Variants in NFIX observed in about 807,000 individuals in gnomAD.
NFIX encodes the protein nuclear factor 1 X-type.
A neutral mutation model predicts 53.3 loss-of-function variants in NFIX; 2 were observed. The observed-to-expected ratio is 0.04, with a 90% CI of 0.02 to 0.12. The LOEUF (loss-of-function observed/expected upper bound fraction) is 0.12. Ranked by LOEUF, NFIX falls within the 10% of genes least tolerant of loss-of-function variation. The probability of loss-of-function intolerance (pLI) is 1.00; values close to 1 mark genes in which losing one functional copy is unlikely to be tolerated. For synonymous variants in NFIX, 244 were observed against 289.0 expected (o/e 0.84, Z 1.58); for missense variants, 310 against 674.5 (o/e 0.46, Z 5.99).
At chr19:13,082,273 C>G (rs1001550752) in intron 8 of NFIX, 1 of 185,852 alleles carries the variant, frequency 5.4e-6, no homozygotes, top group African/African-American at 2.3e-5. Context: ...ACATTTGGGG[C>G]TGTTTATTCA....
At chr19:13,018,427 G>A (rs1424334045) in intron 1 of NFIX, among the ~76,000 whole-genome samples, 1 of 151,822 alleles carries the variant, frequency 6.6e-6, no homozygotes, top group Non-Finnish European at 1.5e-5. Flanking sequence ...GGGGTGTGGG[G>A]CGAATCCATT....
chr19:13,078,166 G>T lies in NFIX; in HGVS notation c.956-447G>T, dbSNP rs1402663036. On this transcript the variant is annotated intron_variant, in intron 6 of 10. Transcript: ENST00000592199. The surrounding 1 kb of genome is among the most constrained non-coding windows in gnomAD (Gnocchi z 4.7). ...CTTCTTCCCACCAGAACCTCCCATG[G>T]CCCCGGGCACCATGGCATAGACCCC... Among the ~76,000 whole-genome samples the T allele has an allele frequency of 6.6e-6, 1 of 152,098 alleles. No homozygotes were observed.
chr19:13,056,629 G>A (rs1460456769), intron 2 of NFIX, among the ~76,000 whole-genome samples: 2 of 152,188 alleles, frequency 1.3e-5, no homozygotes, highest in Non-Finnish European at 2.9e-5. Flanking sequence ...CGGGAGCCCA[G>A]TGCCTACACC....
chr19:13,067,485 T>TGTGC lies in NFIX; in HGVS notation c.560-5559_560-5558insCGTG, dbSNP rs2016494943. On this transcript the variant is annotated intron_variant, in intron 2 of 10. Coordinates refer to ENST00000592199, the MANE Select transcript of NFIX (RefSeq NM_001365902.3). The surrounding 1 kb of genome is among the most constrained non-coding windows in gnomAD (Gnocchi z 4.2). Reference sequence around the variant, plus strand: ...GCGCGTGTGTGTGTGTGTGTGTGCGTGTGTGTGTGTGTGTGTGTGTATGTG... The same window carrying TGTGC: ...GCGCGTGTGTGTGTGTGTGTGTGCGTGTGCGTGTGTGTGTGTGTGTGTGTATGTG... Among the ~76,000 whole-genome samples the TGTGC allele has an allele frequency of 3.8e-5, 1 of 26,648 alleles. No homozygotes were observed. The highest frequency in any genetic ancestry group is 6.1e-5 in the Non-Finnish European group (1 of 16,412). 17.5% of individuals were successfully genotyped at this position (26,648 alleles called of 152,430 possible).
chr19:13,092,525 C>T (rs142156522), intron 10 of NFIX, among the ~76,000 whole-genome samples: 1 of 152,252 alleles, frequency 6.6e-6, no homozygotes, highest in Non-Finnish European at 1.5e-5. Context: ...CAGTGTGAGG[C>T]CCTGGCATGA....
intron 1 of NFIX, among the ~76,000 whole-genome samples, chr19:12,997,538 C>T (rs2011513968): frequency 6.6e-6 from 1 of 152,216 alleles, no homozygotes; most frequent in Non-Finnish European, 1.5e-5. Flanking sequence ...CCATGTTGGG[C>T]GCCCCTCACA....
Position 12,996,895 on chromosome 19 carries a change from G to A in NFIX, c.27+1031G>A, listed in dbSNP as rs1037422213. On this transcript the variant is annotated intron_variant, in intron 1 of 10. Coordinates refer to ENST00000592199, the MANE Select transcript of NFIX (RefSeq NM_001365902.3). The surrounding 1 kb of genome is among the most constrained non-coding windows in gnomAD (Gnocchi z 5.2). ...TGTCGGGCCACCCAACTCTCCCTGG[G>A]CTGTGGCCTGAGGCTCTAAGAGGGC... 6.6e-6 allele frequency among the ~76,000 whole-genome samples: 1 copy of A among 152,270 alleles called. No individual in the cohort carries two copies. Among genetic ancestry groups the A allele is most frequent in the African/African-American group, 2.4e-5 (1 of 41,474 alleles).
At position 13,037,898 on chromosome 19, in the gene NFIX, G is replaced by A. The variant is rs561087910; in HGVS notation, c.559+12346G>A. ...ACAAAGAATCATCTCGCCCCCAAAC[G>A]TCACAAGTGCGGAGGTGGAGAAACC... On this transcript the variant is annotated intron_variant, in intron 2 of 10. Transcript: ENST00000592199. This position sits in a 1 kb window ranked among gnomAD's most constrained non-coding sequence, Gnocchi z 4.2. Among the ~76,000 whole-genome samples, 2 of 152,240 alleles carry A rather than the reference G, an allele frequency of 1.3e-5. No homozygotes were observed. The highest frequency in any genetic ancestry group is 2.4e-5 in the African/African-American group (1 of 41,548).
At chr19:13,023,999 CG>C in intron 1 of NFIX, 4 of 1,282,688 alleles carry the variant, frequency 3.1e-6, no homozygotes, top group Non-Finnish European at 4.0e-6. Context: ...ATCTCAGAAT[CG>C]GGCGTTGGGC....
At chr19:13,056,710 A>G (rs1426349455) in intron 2 of NFIX, among the ~76,000 whole-genome samples, 1 of 152,156 alleles carries the variant, frequency 6.6e-6, no homozygotes, top group Non-Finnish European at 1.5e-5. Flanking sequence ...ACTTACTTGG[A>G]CCATTGAGCA....
At chr19:13,024,257 G>A (rs552482382) in intron 1 of NFIX, among the ~76,000 whole-genome samples, 3 of 152,270 alleles carry the variant, frequency 2.0e-5, no homozygotes, top group Admixed American at 6.5e-5. Flanking sequence ...TAATGTGGCC[G>A]AGACAAGCAC....
intron 8 of NFIX, 48 bp from the exon 9 acceptor site, chr19:13,087,937 GTGTC>G (rs1274592482): frequency 1.3e-6 from 2 of 1,533,766 alleles, no homozygotes; most frequent in African/African-American, 2.7e-5. Flanking sequence ...AGGGGAGCGT[GTGTC>G]TGTGTGTGAT....
intron 2 of NFIX, among the ~76,000 whole-genome samples, chr19:13,048,598 G>A (rs2015138189): frequency 6.6e-6 from 1 of 152,116 alleles, no homozygotes; most frequent in Admixed American, 6.5e-5. Flanking sequence ...GGTGGCTCAT[G>A]CCTGTAATCC....
At chr19:13,007,958 C>G (rs1048908628) in intron 1 of NFIX, among the ~76,000 whole-genome samples, 2 of 152,188 alleles carry the variant, frequency 1.3e-5, no homozygotes, top group East Asian at 1.9e-4. Flanking sequence ...ACACATAGGC[C>G]TGTGCCTACA....
In NFIX at chr19:13,073,252, G is replaced by A. The variant is rs2016874488; in HGVS notation, c.622+143G>A. 5 of 977,578 alleles carry A rather than the reference G, an allele frequency of 5.1e-6. No homozygotes were observed. Among genetic ancestry groups the A allele is most frequent in the Non-Finnish European group, 8.2e-6 (5 of 606,070 alleles). The allele number at this position is 977,578 out of a possible 1,614,324, so 60.6% of individuals were successfully genotyped here. On this transcript the variant is annotated intron_variant, in intron 3 of 10. Coordinates refer to ENST00000592199, the MANE Select transcript of NFIX (RefSeq NM_001365902.3). The surrounding 1 kb of genome is among the most constrained non-coding windows in gnomAD (Gnocchi z 4.5). ...TGAGCTTAGCTTGCTGTCCTGAGGG[G>A]ATGGGGGCACACCTAGAGGATCCCC...
chr19:13,023,695 G>T, intron 1 of NFIX, among the ~76,000 whole-genome samples: 1 of 147,226 alleles, frequency 6.8e-6, no homozygotes, highest in South Asian at 2.2e-4. Context: ...AAATTTTGTT[G>T]GCTTTTGTTT....
intron 2 of NFIX, among the ~76,000 whole-genome samples, chr19:13,056,102 T>TG (rs2015671335): frequency 1.3e-5 from 2 of 152,300 alleles, no homozygotes; most frequent in South Asian, 4.1e-4. Context: ...CAGGGAGCCC[T>TG]GCTCTGCGGC....
At chr19:13,087,394 C>G (rs2017841405) in intron 8 of NFIX, among the ~76,000 whole-genome samples, 1 of 152,154 alleles carries the variant, frequency 6.6e-6, no homozygotes, top group African/African-American at 2.4e-5. Flanking sequence ...CTTGAGAGAA[C>G]AGGTCAGCAC....
Position 13,068,682 on chromosome 19 carries a change from C to T in NFIX, c.560-4365C>T, listed in dbSNP as rs1196140452. Among the ~76,000 whole-genome samples the T allele has an allele frequency of 6.6e-6, 1 of 152,272 alleles. No homozygotes were observed. The highest frequency in any genetic ancestry group is 1.5e-5 in the Non-Finnish European group (1 of 68,048). On this transcript the variant is annotated intron_variant, in intron 2 of 10. Coordinates refer to ENST00000592199, the MANE Select transcript of NFIX (RefSeq NM_001365902.3). This position sits in a 1 kb window ranked among gnomAD's most constrained non-coding sequence, Gnocchi z 4.2. The stretch of plus-strand genomic sequence containing the variant: ...AATCCCGTTTCAAAGGCTTCTTCAG[C>T]AGAGCCCACTTGGGCCCATGCGGAG...
Sources: gnomAD v4.1 joint callset for allele counts (sites outside exome capture counted in the v4.1 genomes callset) on GRCh38, gnomAD v4.1.1 for gene constraint, Gnocchi (gnomAD v3.1) non-coding constraint, MANE v1.5 for transcripts, NCBI Gene and HGNC (gene_info 2026-07-23, HGNC 2026-07-21) for gene names.